SLC15A1: variants seen among roughly 807,000 people sequenced by gnomAD.
SLC15A1 encodes Caco-2 oligopeptide transporter.
Under a neutral mutation model 92.9 loss-of-function variants are expected in SLC15A1, and 83 were observed. The observed-to-expected ratio is 0.89, with a 90% CI of 0.75 to 1.07. SLC15A1 has a LOEUF of 1.07. Ranked by LOEUF, SLC15A1 falls within the 50% of genes least tolerant of loss-of-function variation. SLC15A1 has a pLI of 0.00. For missense variants in SLC15A1, 857 were observed against 880.1 expected, an observed-to-expected ratio of 0.97 and a Z score of 0.33; for synonymous variants, 322 against 318.2, an observed-to-expected ratio of 1.01 and a Z score of -0.13.
chr13:98,691,316 G>A (rs2087974211), intron 18 of SLC15A1, among the ~76,000 whole-genome samples: 1 of 152,216 alleles, frequency 6.6e-6, no homozygotes, highest in Non-Finnish European at 1.5e-5. Context: ...TGGGATTACA[G>A]GCGTGAGCCA....
intron 18 of SLC15A1, among the ~76,000 whole-genome samples, chr13:98,701,875 A>G (rs1432287964): frequency 6.6e-6 from 1 of 151,736 alleles, no homozygotes; most frequent in Non-Finnish European, 1.5e-5. Context: ...GGGTTTCACC[A>G]TGTTGTCCAG....
intron 18 of SLC15A1, among the ~76,000 whole-genome samples, chr13:98,689,137 G>A (rs1416970199): frequency 6.6e-6 from 1 of 152,230 alleles, no homozygotes; most frequent in African/African-American, 2.4e-5. Context: ...GTGGGGTTTC[G>A]CCATGTTGGC....
Position 98,726,172 on chromosome 13 carries a change from T to G in SLC15A1, c.196A>C (p.Thr66Pro). The part of the protein sequence containing the change: ...YHTFVALCYL[T>P]PILGALIADS... ...GCGATAAGAGCTCCGAGAATTGGCG[T>G]CAGGTAGCACAGAGCCACAAACGTA... Residue 66 changes from threonine to proline, a missense_variant, in exon 4 of 23, where the codon ACG becomes CCG. Transcript: ENST00000376503. 6.2e-7 allele frequency: 1 copy of G among 1,613,846 alleles called. No individual in the cohort carries two copies. The highest frequency in any genetic ancestry group is 8.5e-7 in the Non-Finnish European group (1 of 1,179,948).
chr13:98,745,958 G>A (rs1020568545), intron 1 of SLC15A1, among the ~76,000 whole-genome samples: 4 of 152,088 alleles, frequency 2.6e-5, no homozygotes, highest in Non-Finnish European at 4.4e-5. Context: ...TTGATGCTCA[G>A]ATTATTTTTC....
At chr13:98,731,721 C>A (rs2088352322) in intron 1 of SLC15A1, among the ~76,000 whole-genome samples, 1 of 152,144 alleles carries the variant, frequency 6.6e-6, no homozygotes, top group Non-Finnish European at 1.5e-5. Context: ...GTCCTTTTGT[C>A]TTTGCTCAAT....
intron 18 of SLC15A1, among the ~76,000 whole-genome samples, chr13:98,692,793 T>C (rs959694804): frequency 6.6e-6 from 1 of 152,224 alleles, no homozygotes; most frequent in African/African-American, 2.4e-5. Flanking sequence ...TCACCCAGGC[T>C]GCAGTGCAGT....
Position 98,715,907 on chromosome 13 carries a change from T to C in SLC15A1, c.694A>G (p.Ile232Val). 6.2e-7 allele frequency: 1 copy of C among 1,614,232 alleles called. No individual in the cohort carries two copies. The highest frequency in any genetic ancestry group is 1.1e-5 in the South Asian group (1 of 91,090). ...MYKKFKPQGN[I>V]MGKVAKCIGF... ...ATGCACTTGGCCACTTTACCCATGA[T>C]GTTGCCCTGTGGCTTGAACTTCTTG... The change falls in exon 9 of 23, where the codon ATC (isoleucine) becomes GTC (valine). Residue 232 changes from isoleucine to valine, a missense_variant. By Grantham distance (29) the Ile-to-Val change is conservative. Coordinates refer to ENST00000376503, the MANE Select transcript of SLC15A1 (RefSeq NM_005073.4).
intron 1 of SLC15A1, among the ~76,000 whole-genome samples, chr13:98,749,117 C>T (rs2088520460): frequency 6.6e-6 from 1 of 152,224 alleles, no homozygotes; most frequent in African/African-American, 2.4e-5. Context: ...ACCTCTATAG[C>T]TTGCAGCAGG....
At chr13:98,730,795 C>T (rs2088344704) in intron 1 of SLC15A1, among the ~76,000 whole-genome samples, 1 of 152,230 alleles carries the variant, frequency 6.6e-6, no homozygotes, top group African/African-American at 2.4e-5. Flanking sequence ...GTGCTCAGAT[C>T]CAGCTCTGCA....
At chr13:98,726,554 C>A (rs1429168562) in intron 2 of SLC15A1, 105 bp from the exon 3 acceptor site, 62 of 1,009,620 alleles carry the variant, frequency 6.1e-5, no homozygotes, top group Non-Finnish European at 5.4e-5. Flanking sequence ...GATTCAGTAA[C>A]TTACCGGTGA....
intron 5 of SLC15A1, among the ~76,000 whole-genome samples, chr13:98,722,430 T>C (rs138675440): frequency 6.6e-6 from 1 of 152,316 alleles, no homozygotes; most frequent in East Asian, 1.9e-4. Flanking sequence ...TAAGGGTTAT[T>C]TAATTTACTC....
chr13:98,712,740 A>G (rs1268913179), intron 9 of SLC15A1, among the ~76,000 whole-genome samples, 156 bp from the exon 10 acceptor site: 1 of 152,188 alleles, frequency 6.6e-6, no homozygotes, highest in African/African-American at 2.4e-5. Context: ...TATTTCTATT[A>G]ATAGTCTCTG....
chr13:98,713,809 G>T (rs2088187790), intron 9 of SLC15A1, among the ~76,000 whole-genome samples: 2 of 152,190 alleles, frequency 1.3e-5, no homozygotes, highest in African/African-American at 4.8e-5. Flanking sequence ...CACTTCAGGA[G>T]GCTGAGGTGG....
Position 98,723,916 on chromosome 13 carries a change from GCA to G in SLC15A1, c.359_360del (p.Val120AlafsTer32). On this transcript the variant is annotated frameshift_variant, in exon 5 of 23. Transcript: ENST00000376503. LOFTEE classifies it high-confidence loss of function. ...NHDGTPDSLP[V>X]HVVLSLIGLA... ...CAGCAGTGAGCACCAACTCACACGT[GCA>G]CAGGAAGGCTGTCGGGGGTGCCATC... 6.2e-7 allele frequency: 1 copy of G among 1,614,160 alleles called. No individual in the cohort carries two copies. Among genetic ancestry groups the G allele is most frequent in the Non-Finnish European group, 8.5e-7 (1 of 1,179,990 alleles).
intron 1 of SLC15A1, among the ~76,000 whole-genome samples, chr13:98,742,124 G>A (rs1488860813): frequency 1.3e-5 from 2 of 152,178 alleles, no homozygotes; most frequent in African/African-American, 2.4e-5. Flanking sequence ...ACAAGAGAAT[G>A]GGAAGGCCGT....
In SLC15A1 at chr13:98,716,879, T is replaced by C. The variant is rs139802829; in HGVS notation, c.641-919A>G. 7.9e-3 allele frequency among the ~76,000 whole-genome samples: 1,200 copies of C among 152,084 alleles called. 7 individuals carry two copies. The highest frequency in any genetic ancestry group is 0.029 in the South Asian group (141 of 4,818). On this transcript the variant is annotated intron_variant, in intron 8 of 22. Transcript: ENST00000376503. Reference sequence around the variant, plus strand: ...TTTTTGGCAAGTCATATTGTGAAAATAACTTAGAAAAAAACCATTCTAGGG... The same window carrying C: ...TTTTTGGCAAGTCATATTGTGAAAACAACTTAGAAAAAAACCATTCTAGGG...
intron 18 of SLC15A1, among the ~76,000 whole-genome samples, chr13:98,700,648 C>T (rs558040438): frequency 1.3e-4 from 20 of 152,106 alleles, no homozygotes; most frequent in African/African-American, 4.8e-4. Flanking sequence ...TATAGTTTTA[C>T]ATTTTACTTG....
At chr13:98,750,607 G>A (rs371451132) in intron 1 of SLC15A1, among the ~76,000 whole-genome samples, 65 of 152,224 alleles carry the variant, frequency 4.3e-4, no homozygotes, top group African/African-American at 1.6e-3. Context: ...ATTACAGTGG[G>A]ACAAAGTCAG....
At chr13:98,749,097 G>C (rs2149494) in intron 1 of SLC15A1, among the ~76,000 whole-genome samples, 1 of 152,062 alleles carries the variant, frequency 6.6e-6, no homozygotes, top group Non-Finnish European at 1.5e-5. Flanking sequence ...GCTTCCTTCA[G>C]TGTGGGACCA....
Sources: allele counts gnomAD v4.1 joint callset (sites outside exome capture counted in the v4.1 genomes callset), GRCh38; gene constraint gnomAD v4.1.1; transcripts MANE v1.5; gene names NCBI Gene and HGNC (gene_info 2026-07-23, HGNC 2026-07-21).